The following ENTPD4 variants were observed in gnomAD, a reference collection of about 807,000 sequenced individuals.
ENTPD4 encodes the protein Golgi UDPase.
A neutral mutation model predicts 79.1 loss-of-function variants in ENTPD4; 60 were observed. The ratio of observed to expected loss-of-function variants is 0.76; its 90% CI spans 0.62 to 0.94. The LOEUF is 0.94. ENTPD4 is among the 40% of genes least tolerant of loss of function. The pLI, the probability that ENTPD4 is intolerant of heterozygous loss-of-function variation, is 0.00. For missense variants in ENTPD4, 772 were observed against 775.1 expected (o/e 1.00, Z 0.05); for synonymous variants, 276 against 292.0 (o/e 0.95, Z 0.56).
At chr8:23,443,271 A>C (rs1216344099) in intron 6 of ENTPD4, among the ~76,000 whole-genome samples, 2 of 152,242 alleles carry the variant, frequency 1.3e-5, no homozygotes, top group East Asian at 3.9e-4. Context: ...GTGTAGCTCA[A>C]TTGTCTGTAA....
rs529734067 is a variant in ENTPD4, at chr8:23,451,167, G to A, written c.-97-1170C>T. On this transcript the variant is annotated intron_variant, in intron 1 of 12. Coordinates refer to ENST00000358689, the MANE Select transcript of ENTPD4 (RefSeq NM_004901.5). Reference sequence around the variant, plus strand: ...CTCCCGAGTAGCTGGGACTACAGGCGCCCGTCACCACTCCCAGTGAATTTT... The same window carrying A: ...CTCCCGAGTAGCTGGGACTACAGGCACCCGTCACCACTCCCAGTGAATTTT... 9.2e-5 allele frequency among the ~76,000 whole-genome samples: 14 copies of A among 151,894 alleles called. No individual in the cohort carries two copies. The South Asian group carries it at 1.0e-3, about 11-fold the overall frequency.
intron 1 of ENTPD4, 45 bp from the exon 2 acceptor site, chr8:23,450,042 G>T: frequency 1.0e-6 from 1 of 976,940 alleles, no homozygotes; most frequent in Non-Finnish European, 1.6e-6. Context: ...CATCATCAAA[G>T]AAAACATCTA....
chr8:23,439,720 T>C, intron 9 of ENTPD4, 29 bp downstream of exon 9: 2 of 1,609,632 alleles, frequency 1.2e-6, no homozygotes, highest in Non-Finnish European at 1.7e-6. Flanking sequence ...GGTTTGCAAA[T>C]GACTGCCAAG....
chr8:23,430,219 G>A lies in ENTPD4; in HGVS notation c.*2707C>T, dbSNP rs1346658188. ...CCTTCTCTGGAATGTGATTTGCTGCGACTGCAGACATCTCCATACGGCATA... is the reference window on the plus strand; with the variant it reads ...CCTTCTCTGGAATGTGATTTGCTGCAACTGCAGACATCTCCATACGGCATA... On this transcript the variant is annotated 3_prime_UTR_variant, in exon 13 of 13. Coordinates refer to ENST00000358689, the MANE Select transcript of ENTPD4 (RefSeq NM_004901.5). 9 of 985,308 alleles carry A rather than the reference G, an allele frequency of 9.1e-6. No homozygotes were observed. Among genetic ancestry groups the A allele is most frequent in the East Asian group, 2.3e-4 (2 of 8,826 alleles). The allele number at this position is 985,308 out of a possible 1,614,324, so 61.0% of individuals were successfully genotyped here. A position where few individuals can be genotyped will look rare whatever the true frequency, so the allele number is the denominator to read the frequency against.
chr8:23,444,089 A>T, intron 5 of ENTPD4, 136 bp from the exon 6 acceptor site: 1 of 572,428 alleles, frequency 1.7e-6, no homozygotes, highest in Non-Finnish European at 3.0e-6. Context: ...TAATTTTTTT[A>T]AAAAAGAAAT....
Position 23,430,556 on chromosome 8 carries a change from C to G in ENTPD4, c.*2370G>C. On this transcript the variant is annotated 3_prime_UTR_variant, in exon 13 of 13. Coordinates refer to ENST00000358689, the MANE Select transcript of ENTPD4 (RefSeq NM_004901.5). ...TAAATATTCTAGGCTTTACAGGCCA[C>G]ATATAGTGTCTGCTGCATATTCTTC... The G allele has an allele frequency of 1.0e-6, 1 of 983,814 alleles. No homozygotes were observed. Among genetic ancestry groups the G allele is most frequent in the Non-Finnish European group, 1.2e-6 (1 of 828,464 alleles). The allele number at this position is 983,814 out of a possible 1,614,324, so 60.9% of individuals were successfully genotyped here.
intron 8 of ENTPD4, among the ~76,000 whole-genome samples, chr8:23,440,790 G>A (rs189154351): frequency 2.6e-5 from 4 of 152,252 alleles, no homozygotes; most frequent in East Asian, 3.9e-4. Flanking sequence ...TTTTGTTCAC[G>A]TTTACAGATG....
At chr8:23,456,106 T>C (rs1800953189) in intron 1 of ENTPD4, among the ~76,000 whole-genome samples, 1 of 152,228 alleles carries the variant, frequency 6.6e-6, no homozygotes, top group Non-Finnish European at 1.5e-5. Context: ...TGGAAGGCCA[T>C]GGATCAACAC....
At chr8:23,457,092 A>C (rs1336895636) in intron 1 of ENTPD4, among the ~76,000 whole-genome samples, 1 of 152,242 alleles carries the variant, frequency 6.6e-6, no homozygotes, top group Admixed American at 6.5e-5. Flanking sequence ...TTTACTGCCC[A>C]ATAAGCTCCA....
intron 12 of ENTPD4, chr8:23,434,057 TG>T: frequency 2.2e-6 from 1 of 448,866 alleles, no homozygotes; most frequent in Non-Finnish European, 4.0e-6. Context: ...TTGCCGGGGC[TG>T]GGGAACAGAC....
chr8:23,432,086 T>A lies in ENTPD4; in HGVS notation c.*840A>T. On this transcript the variant is annotated 3_prime_UTR_variant, in exon 13 of 13. Coordinates refer to ENST00000358689, the MANE Select transcript of ENTPD4 (RefSeq NM_004901.5). ...AAATGGTTATCTCCTGGTGCCCATG[T>A]TTCTCTGTTTTGGATATAAATGGTT... is the stretch of plus-strand genomic sequence containing the variant. 1.0e-6 allele frequency: 1 copy of A among 985,368 alleles called. No individual in the cohort carries two copies. Among genetic ancestry groups the A allele is most frequent in the Non-Finnish European group, 1.2e-6 (1 of 829,856 alleles). 61.0% of individuals were successfully genotyped at this position (985,368 alleles called of 1,614,324 possible).
intron 1 of ENTPD4, among the ~76,000 whole-genome samples, chr8:23,456,456 G>A (rs191649030): frequency 1.3e-5 from 2 of 152,310 alleles, no homozygotes; most frequent in East Asian, 3.9e-4. Context: ...TAAACATGCT[G>A]AGTAAATACG....
chr8:23,444,723 T>C lies in ENTPD4; in HGVS notation c.413-117A>G, dbSNP rs147087646. 403 of 859,104 alleles carry C rather than the reference T, an allele frequency of 4.7e-4. 1 individual carries two copies. In the African/African-American group the frequency reaches 6.1e-3, roughly 13 times the overall value. 53.2% of individuals were successfully genotyped at this position (859,104 alleles called of 1,614,324 possible). A position where few individuals can be genotyped will look rare whatever the true frequency, so the allele number is the denominator to read the frequency against. On this transcript the variant is annotated intron_variant, in intron 4 of 12. Coordinates refer to ENST00000358689, the MANE Select transcript of ENTPD4 (RefSeq NM_004901.5). The stretch of plus-strand genomic sequence containing the variant: ...CTACACATTACACTTCCTTAGTTTT[T>C]CCTATCCTTCTAGCAACTTCTTCTG...
Position 23,448,724 on chromosome 8 carries a change from A to G in ENTPD4, c.206+18T>C. On this transcript the variant is annotated intron_variant, in intron 3 of 12. Transcript: ENST00000358689. Reference sequence around the variant, plus strand: ...GGTAAGGCTTCTGGTCTAGAAAGCAAATGTTTTTATCTCTTACCTTTGAAA... The same window carrying G: ...GGTAAGGCTTCTGGTCTAGAAAGCAGATGTTTTTATCTCTTACCTTTGAAA... 1 of 1,608,806 alleles carries G rather than the reference A, an allele frequency of 6.2e-7. No individual in the cohort carries two copies. Among genetic ancestry groups the G allele is most frequent in the African/African-American group, 1.3e-5 (1 of 74,824 alleles).
rs1288595846 is a variant in ENTPD4, at chr8:23,432,699, C to T, written c.*227G>A. 8.1e-5 allele frequency: 79 copies of T among 972,542 alleles called. No homozygotes were observed. Among genetic ancestry groups the T allele is most frequent in the East Asian group, 3.9e-4 (11 of 28,396 alleles). 60.2% of individuals were successfully genotyped at this position (972,542 alleles called of 1,614,324 possible). On this transcript the variant is annotated 3_prime_UTR_variant, in exon 13 of 13. Transcript: ENST00000358689. ...ATTTTTAGTAGAGACGGGGTTTCAC[C>T]GTGTTAGCCAGGATGGTCTCGATCT...
intron 4 of ENTPD4, 27 bp from the exon 5 acceptor site, chr8:23,444,633 G>A (rs772240105): frequency 6.2e-7 from 1 of 1,607,586 alleles, no homozygotes; most frequent in Admixed American, 1.7e-5. Flanking sequence ...CTTTAGTTAA[G>A]AAGCAGATAT....
intron 9 of ENTPD4, among the ~76,000 whole-genome samples, chr8:23,438,392 C>T (rs1219794211): frequency 1.3e-5 from 2 of 152,084 alleles, no homozygotes; most frequent in African/African-American, 2.4e-5. Flanking sequence ...AAGGTCTTTG[C>T]CATAAAAATG....
At chr8:23,444,406 T>C in intron 5 of ENTPD4, 50 bp downstream of exon 5, 1 of 1,559,050 alleles carries the variant, frequency 6.4e-7, no homozygotes, top group South Asian at 1.1e-5. Context: ...GAACACCCCC[T>C]CTCCCCTCCA....
chr8:23,452,069 G>C (rs957646555), intron 1 of ENTPD4, among the ~76,000 whole-genome samples: 3 of 152,230 alleles, frequency 2.0e-5, no homozygotes, highest in African/African-American at 7.2e-5. Context: ...GAGAGGCTAA[G>C]TAACTTGTCT....
Sources: allele counts gnomAD v4.1 joint callset (sites outside exome capture counted in the v4.1 genomes callset), GRCh38; gene constraint gnomAD v4.1.1; transcripts MANE v1.5; gene names NCBI Gene and HGNC (gene_info 2026-07-23, HGNC 2026-07-21).